ACOX3: variants seen among roughly 807,000 people sequenced by gnomAD.
The protein encoded by ACOX3 is peroxisomal acyl-coenzyme A oxidase 3.
A neutral mutation model predicts 81.5 loss-of-function variants in ACOX3; 73 were observed. That is an observed-to-expected ratio of 0.90 (90% CI 0.74 to 1.09). The LOEUF (loss-of-function observed/expected upper bound fraction) is 1.09. Ranked by LOEUF, ACOX3 falls within the 50% of genes least tolerant of loss-of-function variation. The probability of loss-of-function intolerance (pLI) is 0.00; values close to 1 mark genes in which losing one functional copy is unlikely to be tolerated. For synonymous variants in ACOX3, 387 were observed against 375.1 expected, an observed-to-expected ratio of 1.03 and a Z score of -0.37; for missense variants, 947 against 928.0, an observed-to-expected ratio of 1.02 and a Z score of -0.27.
In ACOX3 at chr4:8,430,641, AG is replaced by A. The variant is rs1431173088; in HGVS notation, c.-15+10006del. Among the ~76,000 whole-genome samples, 1 of 152,162 alleles carries A rather than the reference AG, an allele frequency of 6.6e-6. No individual in the cohort carries two copies. The highest frequency in any genetic ancestry group is 1.5e-5 in the Non-Finnish European group (1 of 68,042). Reference sequence around the variant, plus strand: ...GAGGTCGAGGTGGGCAGATCACTTGAGGTCAGGAGTTTGAGACCAGCCTGGC... The same window carrying A: ...GAGGTCGAGGTGGGCAGATCACTTGAGTCAGGAGTTTGAGACCAGCCTGGC... On this transcript the variant is annotated intron_variant, in intron 1 of 17. Coordinates refer to ENST00000356406, the MANE Select transcript of ACOX3 (RefSeq NM_003501.3). The surrounding 1 kb of genome is among the most constrained non-coding windows in gnomAD (Gnocchi z 5.2).
chr4:8,413,945 G>A (rs559029171), intron 5 of ACOX3, among the ~76,000 whole-genome samples: 2 of 152,328 alleles, frequency 1.3e-5, no homozygotes, highest in South Asian at 2.1e-4. Context: ...TAGAAACCAC[G>A]GGCCATGAGA....
rs368017587 is a variant in ACOX3, at chr4:8,372,626, C to A, written c.1896+935G>T. Among the ~76,000 whole-genome samples, 36 of 152,350 alleles carry A rather than the reference C, an allele frequency of 2.4e-4. No individual in the cohort carries two copies. The South Asian group carries it at 3.9e-3, about 17-fold the overall frequency. ...TACGTGCGCCACAATCAGACACGCC[C>A]CTCTCTGGAACCGCAGGCTCAGGGA... On this transcript the variant is annotated intron_variant, in intron 16 of 17. Coordinates refer to ENST00000356406, the MANE Select transcript of ACOX3 (RefSeq NM_003501.3).
chr4:8,374,660 C>A, intron 15 of ACOX3: 1 of 274,014 alleles, frequency 3.6e-6, no homozygotes, highest in Non-Finnish European at 6.8e-6. Context: ...TCTGTCTGTG[C>A]CTTATGGGAC....
chr4:8,360,418 C>T, the ACOX3 span, among the ~76,000 whole-genome samples: 1 of 151,268 alleles, frequency 6.6e-6, no homozygotes, highest in Non-Finnish European at 1.5e-5. Context: ...CTAAATTATG[C>T]AGGTGAGATA....
rs756395912 is a variant in ACOX3 at position 8,416,448 on chromosome 4, C to T, written c.74G>A (p.Arg25Gln). 28 of 1,614,038 alleles carry T rather than the reference C, an allele frequency of 1.7e-5. No homozygotes were observed. The highest frequency in any genetic ancestry group is 2.7e-5 in the African/African-American group (2 of 74,940). ...EFPRGPLDAY[R>Q]ARASFSWKEL... The stretch of plus-strand genomic sequence containing the variant: ...CTTCCAGCTGAAGGACGCTCTTGCT[C>T]GGTAGGCATCGAGGGGCCCCCTGGG... Residue 25 changes from arginine (R) to glutamine (Q), a missense_variant, in exon 2 of 18, where the codon CGA becomes CAA. By Grantham distance (43) the Arg-to-Gln change is conservative (BLOSUM62 1). Transcript: ENST00000356406. The surrounding 1 kb of genome is among the most constrained non-coding windows in gnomAD (Gnocchi z 4.2).
At chr4:8,360,612 C>T in the ACOX3 span, among the ~76,000 whole-genome samples, 2 of 151,940 alleles carry the variant, frequency 1.3e-5, no homozygotes, top group Non-Finnish European at 2.9e-5. Context: ...GGTGGGACTA[C>T]AGGCACCCGC....
At chr4:8,367,493 A>AAAC (rs1319521830) in intron 17 of ACOX3, among the ~76,000 whole-genome samples, 1 of 152,102 alleles carries the variant, frequency 6.6e-6, no homozygotes, top group Non-Finnish European at 1.5e-5. Flanking sequence ...CAAAACAAAC[A>AAAC]AACAACAACA....
chr4:8,396,766 A>G (rs1719742323), intron 9 of ACOX3, among the ~76,000 whole-genome samples, 171 bp downstream of exon 9: 1 of 151,612 alleles, frequency 6.6e-6, no homozygotes, highest in Admixed American at 6.6e-5. Flanking sequence ...ATTAAAAACC[A>G]TTTGCTGGAA....
intron 13 of ACOX3, among the ~76,000 whole-genome samples, chr4:8,387,854 C>T (rs912030936): frequency 3.3e-5 from 5 of 152,224 alleles, no homozygotes; most frequent in South Asian, 2.1e-4. Flanking sequence ...CTGTAGGACA[C>T]GCAGAGCTCG....
intron 14 of ACOX3, among the ~76,000 whole-genome samples, chr4:8,375,578 C>A (rs1419164426): frequency 6.6e-6 from 1 of 152,218 alleles, no homozygotes; most frequent in South Asian, 2.1e-4. Context: ...AGGGGCTTGT[C>A]AGGCTCCTCC....
intron 16 of ACOX3, among the ~76,000 whole-genome samples, chr4:8,373,033 T>C (rs862345): frequency 0.64 from 96,823 of 151,976 alleles, 31,117 homozygotes; most frequent in South Asian, 0.7. Context: ...CGGATCAGAA[T>C]GTGGGGTTGG....
chr4:8,405,325 C>T lies in ACOX3; in HGVS notation c.776+630G>A, dbSNP rs537840343. Among the ~76,000 whole-genome samples the T allele has an allele frequency of 3.9e-5, 6 of 152,230 alleles. No homozygotes were observed. Among genetic ancestry groups the T allele is most frequent in the Admixed American group, 1.3e-4 (2 of 15,286 alleles). On this transcript the variant is annotated intron_variant, in intron 7 of 17. Transcript: ENST00000356406. This position sits in a 1 kb window ranked among gnomAD's most constrained non-coding sequence, Gnocchi z 7.1. Reference sequence around the variant, plus strand: ...TCACTGGCCACTTCTCCCCGGCCACCCAGGCCTCCATGTGGCCATCAAGCA... The same window carrying T: ...TCACTGGCCACTTCTCCCCGGCCACTCAGGCCTCCATGTGGCCATCAAGCA...
rs1281512236 is a variant in ACOX3 at position 8,399,857 on chromosome 4, T to C, written c.777-205A>G. On this transcript the variant is annotated intron_variant, in intron 7 of 17. Transcript: ENST00000356406. The surrounding 1 kb of genome is among the most constrained non-coding windows in gnomAD (Gnocchi z 4.9). ...GCTCACGCCCAGAATCCCAACTCTTTGGAAGACTGAGGCAGGAGGATTGCT... is the reference window on the plus strand; with the variant it reads ...GCTCACGCCCAGAATCCCAACTCTTCGGAAGACTGAGGCAGGAGGATTGCT... Among the ~76,000 whole-genome samples the C allele has an allele frequency of 6.6e-6, 1 of 152,180 alleles. No homozygotes were observed. The highest frequency in any genetic ancestry group is 1.5e-5 in the Non-Finnish European group (1 of 68,026).
At position 8,389,390 on chromosome 4, in the gene ACOX3, G is replaced by A. The variant is rs1718695768; in HGVS notation, c.1424-104C>T. ...AGCACAGAGAGTGTCCAGAGGACCCGACGGCCACAGACCCACAGGCGAGGG... is the reference window on the plus strand; with the variant it reads ...AGCACAGAGAGTGTCCAGAGGACCCAACGGCCACAGACCCACAGGCGAGGG... On this transcript the variant is annotated intron_variant, in intron 12 of 17. Transcript: ENST00000356406. This position sits in a 1 kb window ranked among gnomAD's most constrained non-coding sequence, Gnocchi z 5.3. The A allele has an allele frequency of 1.6e-5, 21 of 1,297,918 alleles. No homozygotes were observed. In the East Asian group the frequency reaches 4.5e-4, roughly 28 times the overall value. 80.4% of individuals were successfully genotyped at this position (1,297,918 alleles called of 1,614,324 possible).
At position 8,433,911 on chromosome 4, in the gene ACOX3, C is replaced by CTA. The variant is rs1392872977; in HGVS notation, c.-15+6735_-15+6736dup. On this transcript the variant is annotated intron_variant, in intron 1 of 17. Transcript: ENST00000356406. ...CATGTAGTAAGGAAGGAGACCACTA[C>CTA]TACTGCTGCCCTCCTACCCCCAAAC... 5.3e-5 allele frequency among the ~76,000 whole-genome samples: 8 copies of CTA among 152,304 alleles called. No individual in the cohort carries two copies. In the South Asian group the frequency reaches 1.7e-3, roughly 32 times the overall value.
Position 8,368,882 on chromosome 4 carries a change from G to A in ACOX3, c.1984-1802C>T, listed in dbSNP as rs575533290. Among the ~76,000 whole-genome samples, 1 of 152,064 alleles carries A rather than the reference G, an allele frequency of 6.6e-6. No homozygotes were observed. Among genetic ancestry groups the A allele is most frequent in the African/African-American group, 2.4e-5 (1 of 41,472 alleles). On this transcript the variant is annotated intron_variant, in intron 17 of 17. Coordinates refer to ENST00000356406, the MANE Select transcript of ACOX3 (RefSeq NM_003501.3). The surrounding 1 kb of genome is among the most constrained non-coding windows in gnomAD (Gnocchi z 5.9). ...ATTTTTATGGATGGGGTTTCAGTATGTTGCCTAGGCTGGTCTCAAACTCCT... is the reference window on the plus strand; with the variant it reads ...ATTTTTATGGATGGGGTTTCAGTATATTGCCTAGGCTGGTCTCAAACTCCT...
At chr4:8,383,094 T>C (rs1179903816) in intron 13 of ACOX3, among the ~76,000 whole-genome samples, 2 of 151,868 alleles carry the variant, frequency 1.3e-5, no homozygotes, top group Non-Finnish European at 2.9e-5. Context: ...ACGGCATAAC[T>C]GAGAAGCCCG....
At position 8,416,292 on chromosome 4, in the gene ACOX3, G is replaced by C; in HGVS notation, c.144+86C>G. Reference sequence around the variant, plus strand: ...ATGAGCCTCGCCCGGCAGAGGAGGAGCTGTGAGAGCCAGAAATCCCATTCT... The same window carrying C: ...ATGAGCCTCGCCCGGCAGAGGAGGACCTGTGAGAGCCAGAAATCCCATTCT... On this transcript the variant is annotated intron_variant, in intron 2 of 17. Transcript: ENST00000356406. The surrounding 1 kb of genome is among the most constrained non-coding windows in gnomAD (Gnocchi z 4.2). 6.2e-7 allele frequency: 1 copy of C among 1,606,316 alleles called. No individual in the cohort carries two copies. The highest frequency in any genetic ancestry group is 1.3e-5 in the African/African-American group (1 of 74,902).
rs191692775 is a variant in ACOX3, at chr4:8,405,192, C to A, written c.776+763G>T. Among the ~76,000 whole-genome samples, 3 of 152,340 alleles carry A rather than the reference C, an allele frequency of 2.0e-5. No homozygotes were observed. Among genetic ancestry groups the A allele is most frequent in the African/African-American group, 7.2e-5 (3 of 41,578 alleles). On this transcript the variant is annotated intron_variant, in intron 7 of 17. Coordinates refer to ENST00000356406, the MANE Select transcript of ACOX3 (RefSeq NM_003501.3). This position sits in a 1 kb window ranked among gnomAD's most constrained non-coding sequence, Gnocchi z 7.1. Reference sequence around the variant, plus strand: ...TCCAAAATCCAATCCCTCAAAGACCCTCAAGGCCCTTGCGGCCTGGCCTCC... The same window carrying A: ...TCCAAAATCCAATCCCTCAAAGACCATCAAGGCCCTTGCGGCCTGGCCTCC...
Sources: gnomAD v4.1 joint callset for allele counts (sites outside exome capture counted in the v4.1 genomes callset) on GRCh38, gnomAD v4.1.1 for gene constraint, Gnocchi (gnomAD v3.1) non-coding constraint, MANE v1.5 for transcripts, NCBI Gene and HGNC (gene_info 2026-07-23, HGNC 2026-07-21) for gene names.